The following PCDHGB7 variants were observed in gnomAD, a reference collection of about 807,000 sequenced individuals.
PCDHGB7 encodes protocadherin gamma subfamily B, 7.
A neutral mutation model predicts 61.4 loss-of-function variants in PCDHGB7; 37 were observed. The observed-to-expected ratio is 0.60, with a 90% confidence interval of 0.46 to 0.79. The LOEUF is 0.79. PCDHGB7 is among the 30% of genes least tolerant of loss of function. The pLI, the probability that PCDHGB7 is intolerant of heterozygous loss-of-function variation, is 0.00. For synonymous variants in PCDHGB7, 464 were observed against 503.5 expected, an observed-to-expected ratio of 0.92 and a Z score of 1.05; for missense variants, 1,166 against 1,202.5, an observed-to-expected ratio of 0.97 and a Z score of 0.45.
At position 141,418,939 on chromosome 5, in the gene PCDHGB7, C is replaced by G; in HGVS notation, c.1080C>G (p.Ser360=). 1 of 1,613,760 alleles carries G rather than the reference C, an allele frequency of 6.2e-7. No homozygotes were observed. The highest frequency in any genetic ancestry group is 8.5e-7 in the Non-Finnish European group (1 of 1,179,668). Residue 360 remains serine, a synonymous_variant, in exon 1 of 4, where the codon TCC becomes TCG. Transcript: ENST00000398594. The part of the protein sequence containing the change: ...TSLSDQIMED[S]PPGVVVALFK... ...TCTCTGATCAGATTATGGAGGATTC[C>G]CCTCCAGGAGTGGTTGTTGCCCTCT...
intron 1 of PCDHGB7, chr5:141,478,581 T>C: frequency 6.3e-7 from 1 of 1,580,158 alleles, no homozygotes; most frequent in Non-Finnish European, 8.6e-7. Flanking sequence ...ACCCTGTTAG[T>C]GCTTTTTTAT....
intron 1 of PCDHGB7, among the ~76,000 whole-genome samples, chr5:141,430,347 A>C (rs2097274758): frequency 6.6e-6 from 1 of 151,944 alleles, no homozygotes; most frequent in Non-Finnish European, 1.5e-5. Flanking sequence ...CTTCCAATTC[A>C]TTTAAAAGCT....
chr5:141,428,757 G>T (rs1216855355), intron 1 of PCDHGB7: 1 of 154,176 alleles, frequency 6.5e-6, no homozygotes, highest in Non-Finnish European at 1.4e-5. Context: ...CTTCAGGTTT[G>T]TTTGCCCACT....
intron 1 of PCDHGB7, among the ~76,000 whole-genome samples, chr5:141,484,569 AGACT>A (rs1376518478): frequency 1.3e-5 from 2 of 152,106 alleles, no homozygotes; most frequent in African/African-American, 2.4e-5. Context: ...CAATACAATC[AGACT>A]GAGACGGAAG....
At position 141,511,313 on chromosome 5, in the gene PCDHGB7, CAGAA is replaced by C; in HGVS notation, c.*142_*145del. The C allele has an allele frequency of 2.0e-6, 3 of 1,482,944 alleles. No homozygotes were observed. In the South Asian group the frequency reaches 4.1e-5, roughly 20 times the overall value. 91.9% of individuals were successfully genotyped at this position (1,482,944 alleles called of 1,614,324 possible). ...CCAAGGCCATGCTCCCCTTGGGAAA[CAGAA>C]ACAAGTGCCCAGTCAGCACCTACCC... On this transcript the variant is annotated 3_prime_UTR_variant, in exon 4 of 4. Transcript: ENST00000398594.
intron 1 of PCDHGB7, among the ~76,000 whole-genome samples, chr5:141,460,612 T>C (rs1215147315): frequency 6.6e-6 from 1 of 152,128 alleles, no homozygotes; most frequent in African/African-American, 2.4e-5. Flanking sequence ...GTTAGATGGA[T>C]AGATAGACAG....
intron 1 of PCDHGB7, chr5:141,427,231 G>A (rs1561827383): frequency 2.2e-6 from 1 of 456,612 alleles, no homozygotes; most frequent in African/African-American, 2.0e-5. Flanking sequence ...TATACCATGA[G>A]AGTAGAAGCT....
intron 1 of PCDHGB7, among the ~76,000 whole-genome samples, chr5:141,466,614 G>A (rs75804312): frequency 1.4e-3 from 218 of 152,142 alleles, no homozygotes; most frequent in Middle Eastern, 6.8e-3. Context: ...GTAAACTGCC[G>A]TTTTCTTTGG....
chr5:141,491,980 C>T lies in PCDHGB7; in HGVS notation c.2416-2827C>T. ...AAAAAAGGCCGGGGCCTCCTTCGAG[C>T]TTCCGGTGAATTTCGGGCGATTTCC... On this transcript the variant is annotated intron_variant, in intron 1 of 3. Transcript: ENST00000398594. The surrounding 1 kb of genome is among the most constrained non-coding windows in gnomAD (Gnocchi z 6.9). The T allele has an allele frequency of 2.5e-6, 2 of 784,432 alleles. No individual in the cohort carries two copies. The highest frequency in any genetic ancestry group is 3.8e-6 in the Non-Finnish European group (2 of 530,588). 48.6% of individuals were successfully genotyped at this position (784,432 alleles called of 1,614,324 possible). A position where few individuals can be genotyped will look rare whatever the true frequency, so the allele number is the denominator to read the frequency against.
At chr5:141,502,288 G>C (rs2099813700) in intron 2 of PCDHGB7, among the ~76,000 whole-genome samples, 1 of 151,338 alleles carries the variant, frequency 6.6e-6, no homozygotes, top group African/African-American at 2.5e-5. Flanking sequence ...ATTGCATTTG[G>C]TTGTCACGTC....
rs755093164 is a variant in PCDHGB7, at chr5:141,485,516, G to C, written c.2416-9291G>C. On this transcript the variant is annotated intron_variant, in intron 1 of 3. Coordinates refer to ENST00000398594, the MANE Select transcript of PCDHGB7 (RefSeq NM_018927.4). The surrounding 1 kb of genome is among the most constrained non-coding windows in gnomAD (Gnocchi z 5.7). Reference sequence around the variant, plus strand: ...GGAGTTTGTCACCGAAGGTCCTTTGGAAATGTACCGAGCAGAGGTAGAGAT... The same window carrying C: ...GGAGTTTGTCACCGAAGGTCCTTTGCAAATGTACCGAGCAGAGGTAGAGAT... 1 of 1,614,172 alleles carries C rather than the reference G, an allele frequency of 6.2e-7. No individual in the cohort carries two copies.
rs915257485 is a variant in PCDHGB7, at chr5:141,476,018, A to T, written c.2416-18789A>T. ...AACGGCATCCAGAAAGCCATGTCGG[A>T]CTCGGCGCCCAGCGCCCAAGCGCTA... On this transcript the variant is annotated intron_variant, in intron 1 of 3. Transcript: ENST00000398594. This position sits in a 1 kb window ranked among gnomAD's most constrained non-coding sequence, Gnocchi z 7.6. The T allele has an allele frequency of 5.8e-6, 8 of 1,371,412 alleles. No homozygotes were observed. Among genetic ancestry groups the T allele is most frequent in the Non-Finnish European group, 7.9e-6 (8 of 1,016,908 alleles). The allele number at this position is 1,371,412 out of a possible 1,614,324, so 85.0% of individuals were successfully genotyped here.
At chr5:141,509,599 A>G (rs964564148) in intron 3 of PCDHGB7, among the ~76,000 whole-genome samples, 6 of 152,158 alleles carry the variant, frequency 3.9e-5, no homozygotes, top group African/African-American at 1.4e-4. Context: ...CAATTCCGAG[A>G]GGCTGCATTC....
intron 1 of PCDHGB7, among the ~76,000 whole-genome samples, chr5:141,433,837 C>CAAAAAAAA (rs56191208): frequency 1.9e-4 from 21 of 111,692 alleles, no homozygotes; most frequent in Admixed American, 5.9e-4. Context: ...AACTCTATCT[C>CAAAAAAAA]AAAAAAAAAA....
At position 141,486,141 on chromosome 5, in the gene PCDHGB7, G is replaced by A. The variant is rs369317501; in HGVS notation, c.2416-8666G>A. 28 of 1,614,066 alleles carry A rather than the reference G, an allele frequency of 1.7e-5. No homozygotes were observed. The highest frequency in any genetic ancestry group is 2.3e-5 in the Non-Finnish European group (27 of 1,180,044). On this transcript the variant is annotated intron_variant, in intron 1 of 3. Transcript: ENST00000398594. This position sits in a 1 kb window ranked among gnomAD's most constrained non-coding sequence, Gnocchi z 5.0. ...TACTATGAATTTGATGTGCGGGCTC[G>A]CGATGGGGGTTCTCCAGCCATGGAG...
At chr5:141,506,084 C>T (rs1426222889) in intron 3 of PCDHGB7, among the ~76,000 whole-genome samples, 8 of 152,068 alleles carry the variant, frequency 5.3e-5, no homozygotes, top group African/African-American at 1.9e-4. Flanking sequence ...AATAGAGATT[C>T]GGCTAGTGGT....
At chr5:141,447,275 G>C (rs2098532748) in intron 1 of PCDHGB7, among the ~76,000 whole-genome samples, 1 of 152,154 alleles carries the variant, frequency 6.6e-6, no homozygotes, top group African/African-American at 2.4e-5. Flanking sequence ...AAGTAGCTGG[G>C]ACTACAGGCA....
Position 141,432,208 on chromosome 5 carries a change from G to A in PCDHGB7, c.2415+11934G>A, listed in dbSNP as rs150518735. The A allele has an allele frequency of 3.4e-5, 55 of 1,614,196 alleles. No individual in the cohort carries two copies. In the Middle Eastern group the frequency reaches 8.2e-4, roughly 24 times the overall value. Reference sequence around the variant, plus strand: ...CCGCCCACGACCCCGACTGTGAAGAGAACGCCCAGATCACTTATTCCCTGG... The same window carrying A: ...CCGCCCACGACCCCGACTGTGAAGAAAACGCCCAGATCACTTATTCCCTGG... On this transcript the variant is annotated intron_variant, in intron 1 of 3. Transcript: ENST00000398594. The surrounding 1 kb of genome is among the most constrained non-coding windows in gnomAD (Gnocchi z 6.0).
chr5:141,459,529 G>A (rs1201996126), intron 1 of PCDHGB7, among the ~76,000 whole-genome samples: 2 of 152,134 alleles, frequency 1.3e-5, no homozygotes, highest in African/African-American at 2.4e-5. Context: ...ATTTTTGTAG[G>A]CATATTTTTT....
Sources: allele counts gnomAD v4.1 joint callset (sites outside exome capture counted in the v4.1 genomes callset), GRCh38; gene constraint gnomAD v4.1.1; non-coding constraint Gnocchi (gnomAD v3.1); transcripts MANE v1.5; gene names NCBI Gene and HGNC (gene_info 2026-07-23, HGNC 2026-07-21).